VEPH1: variants seen among roughly 807,000 people sequenced by gnomAD.
VEPH1 encodes ventricular zone expressed PH domain containing 1.
In VEPH1, 80 loss-of-function variants were observed where a neutral mutation model predicts 85.2. The ratio of observed to expected loss-of-function variants is 0.94; its 90% CI spans 0.78 to 1.13. The LOEUF is 1.13. VEPH1 is among the 50% of genes most tolerant of loss of function. The pLI is 0.00. For synonymous variants in VEPH1, 297 were observed against 348.0 expected, an observed-to-expected ratio of 0.85 and a Z score of 1.63; for missense variants, 955 against 980.5, an observed-to-expected ratio of 0.97 and a Z score of 0.35.
intron 7 of VEPH1, among the ~76,000 whole-genome samples, chr3:157,379,160 C>A (rs1243731756): frequency 6.6e-6 from 1 of 152,216 alleles, no homozygotes; most frequent in Non-Finnish European, 1.5e-5. Flanking sequence ...ACAGAACAAA[C>A]CCTTGCTTCT....
chr3:157,421,882 C>T (rs1442003665), intron 5 of VEPH1, among the ~76,000 whole-genome samples: 2 of 152,172 alleles, frequency 1.3e-5, no homozygotes, highest in Non-Finnish European at 2.9e-5. Context: ...ATCCACATCA[C>T]TCTAGGTGCT....
At position 157,286,657 on chromosome 3, in the gene VEPH1, C is replaced by T; in HGVS notation, c.2028G>A (p.Gln676=). 1 of 1,614,068 alleles carries T rather than the reference C, an allele frequency of 6.2e-7. No individual in the cohort carries two copies. Among genetic ancestry groups the T allele is most frequent in the Non-Finnish European group, 8.5e-7 (1 of 1,179,940 alleles). ...AGAACCTCACTTCTTCCAGATGGAG[C>T]TGTACCTGGTCCAGATCCTGTGTCA... The part of the protein sequence containing the change: ...FPQQKDLDQV[Q]LHLEEVRFFD... Residue 676 remains glutamine, a synonymous_variant, in exon 12 of 14, where the codon CAG becomes CAA. Coordinates refer to ENST00000362010, the MANE Select transcript of VEPH1 (RefSeq NM_001167912.2).
intron 12 of VEPH1, among the ~76,000 whole-genome samples, chr3:157,276,588 A>G (rs1715429381): frequency 6.6e-6 from 1 of 152,206 alleles, no homozygotes; most frequent in Non-Finnish European, 1.5e-5. Flanking sequence ...GAAAACTATG[A>G]CCTTTTGATA....
intron 9 of VEPH1, among the ~76,000 whole-genome samples, chr3:157,333,452 G>A (rs572220226): frequency 2.0e-5 from 3 of 152,284 alleles, no homozygotes; most frequent in African/African-American, 7.2e-5. Context: ...AAAGGAATCT[G>A]GGATATTTTC....
chr3:157,407,941 G>A (rs1280036345), intron 6 of VEPH1, among the ~76,000 whole-genome samples: 1 of 152,146 alleles, frequency 6.6e-6, no homozygotes, highest in East Asian at 1.9e-4. Flanking sequence ...GTTGCCCATA[G>A]CTGGTGAGTG....
chr3:157,378,455 C>T (rs983780721), intron 7 of VEPH1, among the ~76,000 whole-genome samples: 3 of 150,588 alleles, frequency 2.0e-5, no homozygotes, highest in Non-Finnish European at 4.4e-5. Context: ...GGGGGTGCTT[C>T]TTCTATCATC....
At chr3:157,406,663 CATGCT>C (rs33934005) in intron 6 of VEPH1, among the ~76,000 whole-genome samples, 1 of 131,598 alleles carries the variant, frequency 7.6e-6, no homozygotes, top group South Asian at 3.4e-4. Flanking sequence ...CACTCAGGGG[CATGCT>C]ATTTGATTCT....
intron 6 of VEPH1, among the ~76,000 whole-genome samples, chr3:157,392,619 TA>T (rs35235896): frequency 2.0e-5 from 3 of 151,010 alleles, no homozygotes; most frequent in South Asian, 2.1e-4. Flanking sequence ...GCTGATGATC[TA>T]AAAAAAAAAT....
chr3:157,410,582 T>C (rs1731458681), intron 6 of VEPH1, among the ~76,000 whole-genome samples: 1 of 152,176 alleles, frequency 6.6e-6, no homozygotes, highest in Non-Finnish European at 1.5e-5. Context: ...CTCAAATTAC[T>C]CTGTTACTAG....
chr3:157,455,254 C>T (rs571516375), intron 4 of VEPH1, among the ~76,000 whole-genome samples: 3 of 152,230 alleles, frequency 2.0e-5, no homozygotes, highest in African/African-American at 7.2e-5. Context: ...TTGCCAACAT[C>T]TATTGTTTTC....
rs1715145868 is a variant in VEPH1 at position 157,274,622 on chromosome 3, C to G, written c.2129-8960G>C. On this transcript the variant is annotated intron_variant, in intron 12 of 13. Transcript: ENST00000362010. ...AAGCGATTCTCCTGCCTCAGCCCCC[C>G]AAGTAACTAGGACTACAAGTGCATG... Among the ~76,000 whole-genome samples, 6 of 152,140 alleles carry G rather than the reference C, an allele frequency of 3.9e-5. No individual in the cohort carries two copies. In the South Asian group the frequency reaches 1.0e-3, roughly 26 times the overall value.
intron 9 of VEPH1, among the ~76,000 whole-genome samples, chr3:157,354,917 A>G (rs1725260263): frequency 1.3e-5 from 2 of 152,224 alleles, no homozygotes; most frequent in South Asian, 4.1e-4. Context: ...TATGTTTTCA[A>G]TCTGACTTTT....
intron 6 of VEPH1, among the ~76,000 whole-genome samples, chr3:157,383,790 C>G (rs891200639): frequency 6.6e-6 from 1 of 152,152 alleles, no homozygotes; most frequent in Non-Finnish European, 1.5e-5. Flanking sequence ...AAATAAAAGA[C>G]CCCTGGAATA....
chr3:157,364,222 A>G, intron 8 of VEPH1, 81 bp downstream of exon 8: 1 of 1,106,878 alleles, frequency 9.0e-7, no homozygotes, highest in South Asian at 1.5e-5. Flanking sequence ...ATATATAAAA[A>G]ACACCCCATA....
At chr3:157,443,059 AG>A in intron 4 of VEPH1, 1 of 1,470,302 alleles carries the variant, frequency 6.8e-7, no homozygotes. Flanking sequence ...CTGAAAACTC[AG>A]TGCATAATAG....
intron 2 of VEPH1, among the ~76,000 whole-genome samples, chr3:157,474,200 T>G (rs1228706873): frequency 1.3e-5 from 2 of 152,208 alleles, no homozygotes; most frequent in East Asian, 3.8e-4. Context: ...CTGCAACTAA[T>G]GTGTCTATCT....
At chr3:157,268,347 A>C (rs1041922702) in intron 12 of VEPH1, among the ~76,000 whole-genome samples, 24 of 152,198 alleles carry the variant, frequency 1.6e-4, no homozygotes, top group Admixed American at 5.2e-4. Context: ...AGGGTGCAGC[A>C]GACTATCTGG....
chr3:157,297,796 A>G (rs980475703), intron 11 of VEPH1, among the ~76,000 whole-genome samples: 2 of 152,202 alleles, frequency 1.3e-5, no homozygotes, highest in Admixed American at 1.3e-4. Flanking sequence ...AGAAATAGGC[A>G]TAAGAAGATG....
At chr3:157,357,639 C>T (rs748857022) in intron 9 of VEPH1, among the ~76,000 whole-genome samples, 7 of 151,906 alleles carry the variant, frequency 4.6e-5, no homozygotes, top group African/African-American at 1.5e-4. Context: ...ACTGCAGGCG[C>T]GTGCTACCAC....
Sources: allele counts gnomAD v4.1 joint callset (sites outside exome capture counted in the v4.1 genomes callset), GRCh38; gene constraint gnomAD v4.1.1; transcripts MANE v1.5; gene names NCBI Gene and HGNC (gene_info 2026-07-23, HGNC 2026-07-21).